Variants in PREX1 observed in about 807,000 individuals in gnomAD.
The protein encoded by PREX1 is phosphatidylinositol-3,4,5-trisphosphate dependent Rac exchange factor 1.
A neutral mutation model predicts 198.3 loss-of-function variants in PREX1; 41 were observed. The ratio of observed to expected loss-of-function variants is 0.21; its 90% confidence interval spans 0.16 to 0.27. The LOEUF (loss-of-function observed/expected upper bound fraction) is 0.27. Ranked by LOEUF, PREX1 falls within the 10% of genes least tolerant of loss-of-function variation. The pLI, the probability that PREX1 is intolerant of heterozygous loss-of-function variation, is 1.00. For missense variants in PREX1, 1,620 were observed against 2,200.7 expected (o/e 0.74, Z 5.28); for synonymous variants, 843 against 887.2 (o/e 0.95, Z 0.89).
rs1247368354 is a variant in PREX1 at position 48,827,589 on chromosome 20, C to G, written c.219+53G>C. The G allele has an allele frequency of 4.3e-6, 5 of 1,175,386 alleles. No individual in the cohort carries two copies. In the African/African-American group the frequency reaches 4.8e-5, roughly 11 times the overall value. 72.8% of individuals were successfully genotyped at this position (1,175,386 alleles called of 1,614,324 possible). ...CGGCCACAGGTTGTGGGGACCGCAG[C>G]GGGGCGAGCGGCTGGAGGGAAAGCT... On this transcript the variant is annotated intron_variant, in intron 1 of 39. Transcript: ENST00000371941. This position sits in a 1 kb window ranked among gnomAD's most constrained non-coding sequence, Gnocchi z 4.1.
the PREX1 span, among the ~76,000 whole-genome samples, chr20:48,845,312 C>G: frequency 6.6e-6 from 1 of 152,196 alleles, no homozygotes; most frequent in Non-Finnish European, 1.5e-5. Flanking sequence ...CAGGGAGGCA[C>G]ACACCTAGAT....
At chr20:48,740,345 T>C (rs941558173) in intron 3 of PREX1, among the ~76,000 whole-genome samples, 4 of 152,162 alleles carry the variant, frequency 2.6e-5, no homozygotes, top group African/African-American at 9.7e-5. Flanking sequence ...TGGCTGACAA[T>C]GACCCTCAGC....
At position 48,827,230 on chromosome 20, in the gene PREX1, G is replaced by C; in HGVS notation, c.219+412C>G. 6.6e-6 allele frequency among the ~76,000 whole-genome samples: 1 copy of C among 152,342 alleles called. No homozygotes were observed. Among genetic ancestry groups the C allele is most frequent in the African/African-American group, 2.4e-5 (1 of 41,584 alleles). On this transcript the variant is annotated intron_variant, in intron 1 of 39. Coordinates refer to ENST00000371941, the MANE Select transcript of PREX1 (RefSeq NM_020820.4). This position sits in a 1 kb window ranked among gnomAD's most constrained non-coding sequence, Gnocchi z 4.1. ...GGACGTTGGGCTCTGGGGCTCCTAC[G>C]GTATGTCCTAGATGAGTGGTGCACC...
chr20:48,778,639 G>T (rs1305704501), intron 1 of PREX1, among the ~76,000 whole-genome samples: 1 of 151,966 alleles, frequency 6.6e-6, no homozygotes, highest in Non-Finnish European at 1.5e-5. Context: ...TGATGATATG[G>T]TACTGGTGAA....
At chr20:48,810,760 A>T (rs1035445025) in intron 1 of PREX1, among the ~76,000 whole-genome samples, 1 of 151,366 alleles carries the variant, frequency 6.6e-6, no homozygotes, top group Non-Finnish European at 1.5e-5. Flanking sequence ...GGTGGTGCAC[A>T]CCTGTAGTCC....
the PREX1 span, among the ~76,000 whole-genome samples, chr20:48,866,691 C>T: frequency 2.7e-4 from 41 of 152,102 alleles, no homozygotes; most frequent in Non-Finnish European, 2.9e-5. Context: ...CTTTGGAAGG[C>T]AGAGGTGGGC....
chr20:48,682,975 G>A (rs550126420), intron 10 of PREX1, among the ~76,000 whole-genome samples: 5 of 152,314 alleles, frequency 3.3e-5, no homozygotes, highest in African/African-American at 1.2e-4. Context: ...TGTAGGTAGC[G>A]GTGCGTGCTG....
chr20:48,642,525 C>A (rs1372613008), intron 27 of PREX1, 36 bp from the exon 28 acceptor site: 1 of 1,549,318 alleles, frequency 6.5e-7, no homozygotes, highest in Non-Finnish European at 8.9e-7. Context: ...ATCAGTCATT[C>A]CTGCCCCACC....
rs184827180 is a variant in PREX1 at position 48,763,132 on chromosome 20, T to C, written c.220-15252A>G. ...AAACTGTATGGTGGTACGTGAATTA[T>C]ATCTCACACTATTACACCAAAAGAA... On this transcript the variant is annotated intron_variant, in intron 1 of 39. Transcript: ENST00000371941. Among the ~76,000 whole-genome samples the C allele has an allele frequency of 2.3e-3, 345 of 152,378 alleles. 1 individual carries two copies. The highest frequency in any genetic ancestry group is 3.6e-3 in the Non-Finnish European group (245 of 68,030).
intron 1 of PREX1, among the ~76,000 whole-genome samples, chr20:48,823,123 A>T (rs532739972): frequency 1.3e-5 from 2 of 152,196 alleles, no homozygotes; most frequent in Non-Finnish European, 2.9e-5. Context: ...CTTTCTGCCC[A>T]CAATCCCTGT....
intron 1 of PREX1, among the ~76,000 whole-genome samples, chr20:48,823,347 C>T (rs1417359441): frequency 6.7e-6 from 1 of 149,198 alleles, no homozygotes; most frequent in African/African-American, 2.4e-5. Context: ...CCCTGAGGTG[C>T]CTCCCCTTGG....
intron 1 of PREX1, among the ~76,000 whole-genome samples, chr20:48,769,290 T>A (rs917435280): frequency 1.8e-4 from 28 of 151,928 alleles, no homozygotes; most frequent in African/African-American, 6.5e-4. Context: ...GGAGGGGAGA[T>A]GAGGGGCTGC....
chr20:48,763,504 G>T (rs2090193878), intron 1 of PREX1, among the ~76,000 whole-genome samples: 1 of 152,240 alleles, frequency 6.6e-6, no homozygotes, highest in Non-Finnish European at 1.5e-5. Context: ...TCTCCTCTCT[G>T]TGGGGCTGAC....
chr20:48,722,232 TA>T (rs2089989549), intron 5 of PREX1, among the ~76,000 whole-genome samples: 1 of 152,136 alleles, frequency 6.6e-6, no homozygotes, highest in Non-Finnish European at 1.5e-5. Context: ...AATGAGTGCA[TA>T]AACACAACGT....
intron 26 of PREX1, 152 bp downstream of exon 26, chr20:48,645,699 A>G: frequency 1.1e-6 from 1 of 887,858 alleles, no homozygotes; most frequent in African/African-American, 1.7e-5. Context: ...GGGGTCTCAG[A>G]TAATCCCCCA....
At chr20:48,855,485 T>C in the PREX1 span, among the ~76,000 whole-genome samples, 1 of 152,286 alleles carries the variant, frequency 6.6e-6, no homozygotes, top group African/African-American at 2.4e-5. Context: ...CCTACAGTTA[T>C]TTAGTGAGCA....
rs753590144 is a variant in PREX1, at chr20:48,629,495, G to A, written c.4720C>T (p.Arg1574Cys). 7 of 1,614,036 alleles carry A rather than the reference G, an allele frequency of 4.3e-6. No homozygotes were observed. Among genetic ancestry groups the A allele is most frequent in the Non-Finnish European group, 3.4e-6 (4 of 1,179,916 alleles). The change falls in exon 37 of 40, where the codon CGC becomes TGC. Residue 1574 changes from arginine (R) to cysteine (C), a missense_variant. Arg to Cys is a radical substitution (Grantham distance 180). Around this residue, in one of 7 missense-constraint regions of PREX1, gnomAD observed 476 missense variants for 603.4 expected, o/e 0.79. Transcript: ENST00000371941. ...ATGACCATCTGGCAGGCCCCCAGGC[G>A]GTAGCAGAGCTCCGAGGAGATGGGG... ...LIPISSELCY[R>C]LGACQMVMCG...
At chr20:48,687,534 G>A (rs2089792305) in intron 10 of PREX1, among the ~76,000 whole-genome samples, 1 of 152,240 alleles carries the variant, frequency 6.6e-6, no homozygotes, top group Non-Finnish European at 1.5e-5. Context: ...CCACAGCACT[G>A]TGATAAAGTG....
At chr20:48,791,060 T>C (rs1034227958) in intron 1 of PREX1, among the ~76,000 whole-genome samples, 2 of 152,120 alleles carry the variant, frequency 1.3e-5, no homozygotes, top group Non-Finnish European at 2.9e-5. Flanking sequence ...CGCATGTGCA[T>C]GAATAATGCA....
Sources: allele counts gnomAD v4.1 joint callset (sites outside exome capture counted in the v4.1 genomes callset), GRCh38; gene constraint gnomAD v4.1.1; regional missense constraint gnomAD v4.1.1; non-coding constraint Gnocchi (gnomAD v3.1); transcripts MANE v1.5; gene names NCBI Gene and HGNC (gene_info 2026-07-23, HGNC 2026-07-21).